MAX: variants seen among roughly 807,000 people sequenced by gnomAD.
MAX encodes the protein protein max.
Under a neutral mutation model 22.3 loss-of-function variants are expected in MAX, and 3 were observed. The ratio of observed to expected loss-of-function variants is 0.13; its 90% confidence interval spans 0.06 to 0.35. The LOEUF (loss-of-function observed/expected upper bound fraction) is 0.35. MAX is among the 10% of genes least tolerant of loss of function. MAX has a pLI of 1.00. For missense variants in MAX, 119 were observed against 209.4 expected, an observed-to-expected ratio of 0.57 and a Z score of 2.66; for synonymous variants, 72 against 77.7, an observed-to-expected ratio of 0.93 and a Z score of 0.39.
At chr14:65,055,108 A>G (rs983964744) in intron 3 of MAX, among the ~76,000 whole-genome samples, 2 of 152,232 alleles carry the variant, frequency 1.3e-5, no homozygotes, top group African/African-American at 4.8e-5. Context: ...CCATCTCTTC[A>G]GAGAATGAGA....
intron 3 of MAX, among the ~76,000 whole-genome samples, chr14:65,016,938 T>TC (rs969980523): frequency 1.3e-5 from 2 of 150,058 alleles, no homozygotes; most frequent in African/African-American, 4.9e-5. Context: ...TTTTTTTTTT[T>TC]TTGAGACAGA....
intron 3 of MAX, among the ~76,000 whole-genome samples, chr14:65,046,230 C>T (rs1246506617): frequency 1.3e-5 from 2 of 152,194 alleles, no homozygotes; most frequent in Non-Finnish European, 2.9e-5. Context: ...TCCGCCTTGG[C>T]CTCCCAAAGT....
intron 3 of MAX, among the ~76,000 whole-genome samples, chr14:65,063,563 T>C (rs550266121): frequency 1.3e-5 from 2 of 152,236 alleles, no homozygotes; most frequent in East Asian, 3.9e-4. Flanking sequence ...TCCTAGAGAT[T>C]TGTCTATTCA....
intron 3 of MAX, among the ~76,000 whole-genome samples, chr14:65,063,496 T>C (rs1239445537): frequency 2.6e-5 from 4 of 152,152 alleles, no homozygotes; most frequent in Non-Finnish European, 5.9e-5. Context: ...GAGTTTACAC[T>C]GGCATATCCA....
chr14:65,040,604 C>CTTTT (rs35890649), intron 3 of MAX, among the ~76,000 whole-genome samples: 5 of 117,308 alleles, frequency 4.3e-5, no homozygotes, highest in Non-Finnish European at 5.2e-5. Context: ...CCAGGCCCAG[C>CTTTT]TTTTTTTTTT....
chr14:65,077,355 C>T lies in MAX; in HGVS notation c.295+558G>A, dbSNP rs1327351710. 6.2e-7 allele frequency: 1 copy of T among 1,612,462 alleles called. No homozygotes were observed. The highest frequency in any genetic ancestry group is 1.7e-5 in the Admixed American group (1 of 60,018). On this transcript the variant is annotated intron_variant, in intron 4 of 4. Coordinates refer to ENST00000358664, the MANE Select transcript of MAX (RefSeq NM_002382.5). The surrounding 1 kb of genome is among the most constrained non-coding windows in gnomAD (Gnocchi z 6.3). ...AGGTGGTTACTTGCATTTCCTTTTACTTGCATCTTCCATGAGGGAGGAAGA... is the reference window on the plus strand; with the variant it reads ...AGGTGGTTACTTGCATTTCCTTTTATTTGCATCTTCCATGAGGGAGGAAGA...
At chr14:65,006,258 T>G (rs2061588128) in exon 4 of MAX, 4 of 1,609,220 alleles carry the variant, frequency 2.5e-6, no homozygotes, top group Non-Finnish European at 3.4e-6. Context: ...GAAAGACAGG[T>G]GGGAGGGTTA....
intron 3 of MAX, among the ~76,000 whole-genome samples, chr14:65,065,350 T>G (rs1414697012): frequency 1.3e-5 from 2 of 152,178 alleles, no homozygotes; most frequent in African/African-American, 2.4e-5. Context: ...GGACTTACTA[T>G]TACCTGCAAC....
In MAX at chr14:65,077,700, C is replaced by A; in HGVS notation, c.295+213G>T. ...GAAAAGATACAAGTCTCCAGATGTCCAACTTCCTAGCTTCCACTGTCTCCT... is the reference window on the plus strand; with the variant it reads ...GAAAAGATACAAGTCTCCAGATGTCAAACTTCCTAGCTTCCACTGTCTCCT... On this transcript the variant is annotated intron_variant, in intron 4 of 4. Coordinates refer to ENST00000358664, the MANE Select transcript of MAX (RefSeq NM_002382.5). The surrounding 1 kb of genome is among the most constrained non-coding windows in gnomAD (Gnocchi z 6.3). The A allele has an allele frequency of 6.4e-7, 1 of 1,562,602 alleles. No individual in the cohort carries two copies. Among genetic ancestry groups the A allele is most frequent in the Non-Finnish European group, 8.7e-7 (1 of 1,155,622 alleles).
rs933422247 is a variant in MAX at position 65,044,944 on chromosome 14, G to T, written c.172-38660C>A. Among the ~76,000 whole-genome samples the T allele has an allele frequency of 3.3e-5, 5 of 152,168 alleles. No individual in the cohort carries two copies. The highest frequency in any genetic ancestry group is 2.6e-4 in the Admixed American group (4 of 15,278). On this transcript the variant is annotated intron_variant, in intron 3 of 3. Coordinates refer to the MAX transcript ENST00000341653. The surrounding 1 kb of genome is among the most constrained non-coding windows in gnomAD (Gnocchi z 5.5). ...CTACACCATGGAGAAGAGACTCGCCGTGTCTGACTGGCTGCAGAGTTGTCA... is the reference window on the plus strand; with the variant it reads ...CTACACCATGGAGAAGAGACTCGCCTTGTCTGACTGGCTGCAGAGTTGTCA...
intron 2 of MAX, among the ~76,000 whole-genome samples, chr14:65,095,789 G>C (rs2063649524): frequency 6.6e-6 from 1 of 152,130 alleles, no homozygotes; most frequent in African/African-American, 2.4e-5. Flanking sequence ...CTGTGCACCA[G>C]AATTACCCAC....
chr14:65,017,624 T>G (rs976900537), intron 3 of MAX, among the ~76,000 whole-genome samples: 2 of 152,092 alleles, frequency 1.3e-5, no homozygotes, highest in African/African-American at 4.8e-5. Context: ...CAATCTAAAT[T>G]AAATATCAAC....
chr14:65,084,157 T>C lies in MAX; in HGVS notation c.172-6121A>G, dbSNP rs767121202. On this transcript the variant is annotated intron_variant, in intron 3 of 4. Transcript: ENST00000358664. The surrounding 1 kb of genome is among the most constrained non-coding windows in gnomAD (Gnocchi z 4.3). ...TAAAGCCAGGAGTAAGACATTTGTG[T>C]AAGGGGTCAAAACAATCATTTTTTA... 1.2e-6 allele frequency: 2 copies of C among 1,612,992 alleles called. No individual in the cohort carries two copies. Among genetic ancestry groups the C allele is most frequent in the Non-Finnish European group, 1.7e-6 (2 of 1,179,246 alleles).
At position 65,054,202 on chromosome 14, in the gene MAX, T is replaced by G. The variant is rs2062677055; in HGVS notation, c.171+39506A>C. On this transcript the variant is annotated intron_variant, in intron 3 of 3. Transcript: ENST00000341653. The surrounding 1 kb of genome is among the most constrained non-coding windows in gnomAD (Gnocchi z 4.4). Reference sequence around the variant, plus strand: ...ATCATGACTCACTGCAGCCTTCACCTCTTGGGCTCGAGTGATCCTCCTGCT... The same window carrying G: ...ATCATGACTCACTGCAGCCTTCACCGCTTGGGCTCGAGTGATCCTCCTGCT... Among the ~76,000 whole-genome samples the G allele has an allele frequency of 6.6e-6, 1 of 152,066 alleles. No homozygotes were observed. The highest frequency in any genetic ancestry group is 1.5e-5 in the Non-Finnish European group (1 of 68,028).
chr14:65,102,023 G>A (rs967452797), intron 1 of MAX, among the ~76,000 whole-genome samples: 1 of 152,192 alleles, frequency 6.6e-6, no homozygotes, highest in Admixed American at 6.5e-5. Context: ...ATCCTGAGCC[G>A]GGGAAGGTGG....
chr14:65,012,441 CT>C lies in MAX; in HGVS notation c.172-6158del, dbSNP rs1194836829. ...CTGTCAAATTATCCACCAAATCCTC[CT>C]CCTTTTTCTATTTAAACGTAAAAGA... is the stretch of plus-strand genomic sequence containing the variant. On this transcript the variant is annotated intron_variant, in intron 3 of 3. Coordinates refer to the MAX transcript ENST00000341653. This position sits in a 1 kb window ranked among gnomAD's most constrained non-coding sequence, Gnocchi z 5.0. The C allele has an allele frequency of 1.2e-6, 2 of 1,608,604 alleles. No individual in the cohort carries two copies. The highest frequency in any genetic ancestry group is 8.5e-7 in the Non-Finnish European group (1 of 1,175,664).
In MAX at chr14:65,011,861, G is replaced by T. The variant is rs1246700598; in HGVS notation, c.172-5577C>A. ...GAGGCAGGCAGGGAGTAAATTATGGGCCTTGGAGAAGTCATCCCAGACGGG... is the reference window on the plus strand; with the variant it reads ...GAGGCAGGCAGGGAGTAAATTATGGTCCTTGGAGAAGTCATCCCAGACGGG... On this transcript the variant is annotated intron_variant, in intron 3 of 3. Transcript: ENST00000341653. The surrounding 1 kb of genome is among the most constrained non-coding windows in gnomAD (Gnocchi z 4.0). Among the ~76,000 whole-genome samples, 1 of 152,192 alleles carries T rather than the reference G, an allele frequency of 6.6e-6. No individual in the cohort carries two copies. The highest frequency in any genetic ancestry group is 1.5e-5 in the Non-Finnish European group (1 of 68,036).
rs1206894316 is a variant in MAX at position 65,023,311 on chromosome 14, C to T, written c.172-17027G>A. Among the ~76,000 whole-genome samples the T allele has an allele frequency of 1.3e-5, 2 of 152,186 alleles. No individual in the cohort carries two copies. Among genetic ancestry groups the T allele is most frequent in the Non-Finnish European group, 2.9e-5 (2 of 68,032 alleles). On this transcript the variant is annotated intron_variant, in intron 3 of 3. Transcript: ENST00000341653. This position sits in a 1 kb window ranked among gnomAD's most constrained non-coding sequence, Gnocchi z 4.1. ...TGAGCTCAAGTGATCCCCCTCACCT[C>T]AGCCAAAGTGCTGGGATTACAGGCA...
At chr14:65,038,579 G>A (rs375755233) in intron 3 of MAX, among the ~76,000 whole-genome samples, 16 of 151,816 alleles carry the variant, frequency 1.1e-4, no homozygotes, top group African/African-American at 2.7e-4. Context: ...TTAGCCGGGC[G>A]TGGTGGCATG....
Sources: allele counts gnomAD v4.1 joint callset (sites outside exome capture counted in the v4.1 genomes callset), GRCh38; gene constraint gnomAD v4.1.1; non-coding constraint Gnocchi (gnomAD v3.1); transcripts MANE v1.5; gene names NCBI Gene and HGNC (gene_info 2026-07-23, HGNC 2026-07-21).